The following B4GALT6 variants were observed in gnomAD, a reference collection of about 807,000 sequenced individuals.
B4GALT6 encodes the protein beta-1,4-galactosyltransferase 6, also known as UDP-Gal:beta-GlcNAc beta-1,4-galactosyltransferase 6.
B4GALT6 carries 14 observed loss-of-function variants against 46.3 expected under a neutral mutation model. The observed-to-expected ratio is 0.30, with a 90% CI of 0.20 to 0.47. B4GALT6 has a LOEUF of 0.47. Among genes scored for constraint, B4GALT6 ranks in the 20% least tolerant of loss-of-function variants. The pLI is 0.99. For missense variants in B4GALT6, 386 were observed against 480.1 expected (o/e 0.80, Z 1.83); for synonymous variants, 168 against 162.0 (o/e 1.04, Z -0.28).
intron 1 of B4GALT6, among the ~76,000 whole-genome samples, chr18:31,680,537 G>C (rs2074468396): frequency 6.6e-6 from 1 of 152,100 alleles, no homozygotes; most frequent in Non-Finnish European, 1.5e-5. Context: ...AGACCAAAGT[G>C]GCCCAACCAG....
chr18:31,645,427 T>G lies in B4GALT6; in HGVS notation c.399A>C (p.Gln133His), dbSNP rs778544529. Residue 133 changes from glutamine to histidine, a missense_variant, in exon 4 of 9, where the codon CAA becomes CAC. Gln to His is a conservative substitution (Grantham distance 24, BLOSUM62 0). Transcript: ENST00000306851. ...VSEVSFDEIHQLFSKDLDIEP... is the reference protein window; with the variant it reads ...VSEVSFDEIHHLFSKDLDIEP... ...CAATATCTAAATCCTTGGAGAAGAG[T>G]TGATGAATTTCATCAAAACTGACTT... The G allele has an allele frequency of 5.6e-6, 9 of 1,613,494 alleles. No homozygotes were observed. Among genetic ancestry groups the G allele is most frequent in the Admixed American group, 1.7e-5 (1 of 59,888 alleles).
intron 2 of B4GALT6, chr18:31,658,349 G>A (rs1410662002): frequency 2.1e-5 from 6 of 292,424 alleles, no homozygotes; most frequent in Non-Finnish European, 3.9e-5. Flanking sequence ...TTGCAACCAT[G>A]TGAGAACACC....
At chr18:31,646,626 T>C (rs1340716327) in intron 3 of B4GALT6, among the ~76,000 whole-genome samples, 2 of 152,234 alleles carry the variant, frequency 1.3e-5, no homozygotes, top group African/African-American at 2.4e-5. Context: ...CCAACAAATG[T>C]TGAGGTTTCC....
chr18:31,698,397 G>T, the B4GALT6 span, among the ~76,000 whole-genome samples: 1 of 151,830 alleles, frequency 6.6e-6, no homozygotes, highest in Admixed American at 6.6e-5. Flanking sequence ...TTGGGAGGCC[G>T]AGCAGGCAGA....
chr18:31,706,523 G>A, the B4GALT6 span, among the ~76,000 whole-genome samples: 1 of 151,970 alleles, frequency 6.6e-6, no homozygotes, highest in Admixed American at 6.6e-5. Context: ...CCCAGCTACT[G>A]GGGTGGCTGA....
intron 3 of B4GALT6, among the ~76,000 whole-genome samples, chr18:31,655,888 A>G (rs906128962): frequency 6.6e-6 from 1 of 152,080 alleles, no homozygotes; most frequent in Non-Finnish European, 1.5e-5. Context: ...GCAAGATTAG[A>G]ATCACCTGAG....
chr18:31,679,920 C>T (rs189438761), intron 1 of B4GALT6, among the ~76,000 whole-genome samples: 6 of 152,320 alleles, frequency 3.9e-5, no homozygotes, highest in Admixed American at 2.6e-4. Flanking sequence ...CTACCAACCT[C>T]GACAGTTCTA....
upstream of B4GALT6, among the ~76,000 whole-genome samples, chr18:31,689,727 G>C (rs1162888482): frequency 6.6e-6 from 1 of 152,054 alleles, no homozygotes; most frequent in African/African-American, 2.4e-5. Flanking sequence ...CTGAGCGACA[G>C]AGCAAGAAAA....
intron 1 of B4GALT6, among the ~76,000 whole-genome samples, chr18:31,677,010 C>T (rs1188065714): frequency 6.6e-6 from 1 of 152,192 alleles, no homozygotes; most frequent in Non-Finnish European, 1.5e-5. Flanking sequence ...TCTTCTTTTA[C>T]ATAGCTTTTG....
intron 1 of B4GALT6, among the ~76,000 whole-genome samples, chr18:31,679,334 GT>G (rs1157356321): frequency 6.6e-6 from 1 of 152,206 alleles, no homozygotes; most frequent in African/African-American, 2.4e-5. Context: ...ATTTGGATTA[GT>G]TTACACTGAA....
Position 31,631,002 on chromosome 18 carries a change from T to C in B4GALT6, c.733A>G (p.Met245Val). 1.2e-6 allele frequency: 2 copies of C among 1,614,184 alleles called. No individual in the cohort carries two copies. Among genetic ancestry groups the C allele is most frequent in the Non-Finnish European group, 1.7e-6 (2 of 1,180,032 alleles). The change falls in exon 6 of 9, where the codon ATG becomes GTG. Residue 245 changes from methionine (M) to valine (V), a missense_variant. Transcript: ENST00000306851. The stretch of plus-strand genomic sequence containing the variant: ...AGCTTTGCAGCAAAATGACGTGGCA[T>C]TTCTCCACATCCGTAATAGTTCCGG... ...NDRNYYGCGE[M>V]PRHFAAKLDK...
At chr18:31,663,577 T>C (rs916298429) in intron 2 of B4GALT6, among the ~76,000 whole-genome samples, 3 of 152,256 alleles carry the variant, frequency 2.0e-5, no homozygotes, top group African/African-American at 7.2e-5. Context: ...GGAAATCAAA[T>C]GTGCTTATAA....
At chr18:31,716,865 C>T in the B4GALT6 span, among the ~76,000 whole-genome samples, 2 of 152,134 alleles carry the variant, frequency 1.3e-5, no homozygotes, top group Admixed American at 6.5e-5. Flanking sequence ...TTTGGGAGGC[C>T]GAGGCAGGTG....
At chr18:31,658,605 C>CT in intron 2 of B4GALT6, 1 of 152,452 alleles carries the variant, frequency 6.6e-6, no homozygotes, top group South Asian at 2.1e-4. Flanking sequence ...CATTCCCAGC[C>CT]TGTGGGCTGC....
chr18:31,721,443 TG>T, the B4GALT6 span, among the ~76,000 whole-genome samples: 1 of 152,126 alleles, frequency 6.6e-6, no homozygotes, highest in Non-Finnish European at 1.5e-5. Context: ...GAATCAAAAC[TG>T]TAAAAAATAA....
chr18:31,680,327 AC>A (rs1302628667), intron 1 of B4GALT6, among the ~76,000 whole-genome samples: 1 of 152,118 alleles, frequency 6.6e-6, no homozygotes, highest in African/African-American at 2.4e-5. Context: ...CCCAGGAAGA[AC>A]CCCAGCCAAA....
intron 5 of B4GALT6, among the ~76,000 whole-genome samples, chr18:31,632,991 T>C (rs1180853300): frequency 1.3e-5 from 2 of 152,144 alleles, no homozygotes; most frequent in African/African-American, 4.8e-5. Context: ...TTTCCTTGGC[T>C]TTCTCAATTT....
the B4GALT6 span, among the ~76,000 whole-genome samples, chr18:31,724,007 C>G: frequency 1.3e-5 from 2 of 152,174 alleles, no homozygotes. Context: ...CCGCAGACCC[C>G]GCGGCCCAAA....
chr18:31,630,699 T>C (rs1403842664), intron 6 of B4GALT6, among the ~76,000 whole-genome samples: 2 of 152,086 alleles, frequency 1.3e-5, no homozygotes, highest in African/African-American at 4.8e-5. Flanking sequence ...GAACCCAAGT[T>C]TAAATCTGTG....
Sources: allele counts gnomAD v4.1 joint callset (sites outside exome capture counted in the v4.1 genomes callset), GRCh38; gene constraint gnomAD v4.1.1; transcripts MANE v1.5; gene names NCBI Gene and HGNC (gene_info 2026-07-23, HGNC 2026-07-21).